The following LRP1B variants were observed in gnomAD, a reference collection of about 807,000 sequenced individuals.
LRP1B encodes the protein LDL receptor related protein 1B, also known as low-density lipoprotein receptor-related protein 1B.
A neutral mutation model predicts 556.6 loss-of-function variants in LRP1B; 217 were observed. The ratio of observed to expected loss-of-function variants is 0.39; its 90% CI spans 0.35 to 0.44. LRP1B has a LOEUF of 0.44. LRP1B is among the 20% of genes least tolerant of loss of function. LRP1B has a pLI of 1.00. For missense variants in LRP1B, 5,053 were observed against 5,620.8 expected (o/e 0.90, Z 3.23); for synonymous variants, 2,047 against 1,865.8 (o/e 1.10, Z -2.50).
At chr2:141,176,297 C>T (rs1680731770) in intron 7 of LRP1B, among the ~76,000 whole-genome samples, 1 of 151,968 alleles carries the variant, frequency 6.6e-6, no homozygotes, top group Non-Finnish European at 1.5e-5. Flanking sequence ...GTGTCCCCAC[C>T]CAAATCTCAT....
intron 2 of LRP1B, among the ~76,000 whole-genome samples, chr2:141,628,754 C>T (rs1043849867): frequency 6.6e-6 from 1 of 151,924 alleles, no homozygotes; most frequent in Admixed American, 6.6e-5. Flanking sequence ...CTCAAGCAAT[C>T]CTCCCACCAA....
At chr2:141,744,661 A>C (rs914862396) in intron 2 of LRP1B, among the ~76,000 whole-genome samples, 5 of 152,148 alleles carry the variant, frequency 3.3e-5, no homozygotes, top group African/African-American at 1.2e-4. Context: ...CTAAAAGGTC[A>C]TACATCTCTG....
chr2:140,596,523 G>C lies in LRP1B; in HGVS notation c.7194+2108C>G, dbSNP rs1682447371. ...AGAACTTCAAATTTTACTAGGCATA[G>C]TTTCATATTCAGTAATGAATTGAAA... On this transcript the variant is annotated intron_variant, in intron 43 of 90. Transcript: ENST00000389484. Among the ~76,000 whole-genome samples the C allele has an allele frequency of 2.6e-5, 4 of 152,302 alleles. 1 individual carries two copies. The South Asian group carries it at 8.3e-4, about 32-fold the overall frequency.
chr2:141,657,879 C>A (rs1558785572), intron 2 of LRP1B, among the ~76,000 whole-genome samples: 1 of 152,180 alleles, frequency 6.6e-6, no homozygotes, highest in Non-Finnish European at 1.5e-5. Flanking sequence ...TCCACATACG[C>A]TGAAACATAC....
intron 66 of LRP1B, among the ~76,000 whole-genome samples, chr2:140,405,024 G>A (rs1684670815): frequency 6.6e-6 from 1 of 152,156 alleles, no homozygotes; most frequent in South Asian, 2.1e-4. Context: ...TATATAAAGT[G>A]TCTTATCAGA....
At chr2:140,872,042 G>T (rs1411149896) in intron 25 of LRP1B, among the ~76,000 whole-genome samples, 2 of 113,378 alleles carry the variant, frequency 1.8e-5, no homozygotes, top group African/African-American at 6.0e-5. Context: ...GTATTTAAAA[G>T]TCCTTCATGT....
intron 1 of LRP1B, among the ~76,000 whole-genome samples, chr2:141,999,777 A>G (rs1702602872): frequency 6.6e-6 from 1 of 151,930 alleles, no homozygotes; most frequent in African/African-American, 2.4e-5. Flanking sequence ...AACCAATTCT[A>G]TGCTTTGCAC....
intron 89 of LRP1B, among the ~76,000 whole-genome samples, chr2:140,237,732 T>C (rs1179593174): frequency 6.6e-6 from 1 of 150,774 alleles, no homozygotes; most frequent in Non-Finnish European, 1.5e-5. Flanking sequence ...TGAAAGTCAG[T>C]AGCTTTACTT....
chr2:140,855,805 C>T (rs183511292), intron 27 of LRP1B, among the ~76,000 whole-genome samples: 2 of 152,064 alleles, frequency 1.3e-5, no homozygotes, highest in Middle Eastern at 3.4e-3. Flanking sequence ...TCCAGCCTGG[C>T]CCACAGAGCG....
chr2:141,019,621 AATTG>A (rs2105395851), intron 12 of LRP1B, among the ~76,000 whole-genome samples: 1 of 152,172 alleles, frequency 6.6e-6, no homozygotes, highest in Admixed American at 6.6e-5. Context: ...TCTCTGGTTG[AATTG>A]ATTATTTATC....
At chr2:141,936,307 GAT>G (rs981288014) in intron 1 of LRP1B, among the ~76,000 whole-genome samples, 1 of 152,232 alleles carries the variant, frequency 6.6e-6, no homozygotes, top group Admixed American at 6.5e-5. Context: ...ATTTGCAAAT[GAT>G]ATGTCTATGT....
At chr2:141,338,124 T>C (rs1204043615) in intron 3 of LRP1B, among the ~76,000 whole-genome samples, 1 of 152,174 alleles carries the variant, frequency 6.6e-6, no homozygotes, top group Non-Finnish European at 1.5e-5. Flanking sequence ...CTGTTCTGCA[T>C]GTGTACTACC....
At chr2:140,915,754 C>G (rs1694556393) in intron 21 of LRP1B, among the ~76,000 whole-genome samples, 1 of 151,734 alleles carries the variant, frequency 6.6e-6, no homozygotes, top group African/African-American at 2.4e-5. Flanking sequence ...ATAGACAGGA[C>G]TGAAGGGAAA....
At chr2:141,564,841 G>A (rs59318490) in intron 2 of LRP1B, among the ~76,000 whole-genome samples, 74,036 of 151,714 alleles carry the variant, frequency 0.49, 18,391 homozygotes, top group East Asian at 0.71. Flanking sequence ...ATTTTTCTAA[G>A]TAACTAAGAA....
chr2:141,900,754 A>G (rs1699593741), intron 1 of LRP1B, among the ~76,000 whole-genome samples: 1 of 152,080 alleles, frequency 6.6e-6, no homozygotes, highest in Non-Finnish European at 1.5e-5. Flanking sequence ...CTTATAATAA[A>G]TATAACCAAA....
At chr2:140,684,566 A>T (rs1685980471) in intron 41 of LRP1B, among the ~76,000 whole-genome samples, 1 of 152,154 alleles carries the variant, frequency 6.6e-6, no homozygotes, top group Non-Finnish European at 1.5e-5. Flanking sequence ...AGTTTTTGCC[A>T]TTTTCAGATA....
intron 1 of LRP1B, among the ~76,000 whole-genome samples, chr2:141,887,557 T>A (rs894599519): frequency 2.6e-5 from 4 of 152,158 alleles, no homozygotes; most frequent in Admixed American, 6.5e-5. Flanking sequence ...AACACACATG[T>A]ATGAAACAAT....
At chr2:140,675,977 T>C (rs1685658998) in intron 41 of LRP1B, among the ~76,000 whole-genome samples, 1 of 147,864 alleles carries the variant, frequency 6.8e-6, no homozygotes. Context: ...AGAAAAAAAA[T>C]ACAGAGAAGC....
At chr2:140,972,637 C>T (rs1558773937) in intron 18 of LRP1B, among the ~76,000 whole-genome samples, 2 of 151,882 alleles carry the variant, frequency 1.3e-5, no homozygotes, top group African/African-American at 4.8e-5. Flanking sequence ...GTACCAACTC[C>T]AAAACTGAGA....
Sources: allele counts gnomAD v4.1 joint callset (sites outside exome capture counted in the v4.1 genomes callset), GRCh38; gene constraint gnomAD v4.1.1; transcripts MANE v1.5; gene names NCBI Gene and HGNC (gene_info 2026-07-23, HGNC 2026-07-21).